The following TMEM182 variants were observed in gnomAD, a reference collection of about 807,000 sequenced individuals.
TMEM182 encodes the protein transmembrane protein 182.
A neutral mutation model predicts 26.8 loss-of-function variants in TMEM182; 20 were observed. The observed-to-expected ratio is 0.75, with a 90% CI of 0.53 to 1.09. TMEM182 has a LOEUF of 1.09. Among genes scored for constraint, TMEM182 ranks in the 50% least tolerant of loss-of-function variants. TMEM182 has a pLI of 0.00. For missense variants in TMEM182, 277 were observed against 275.5 expected, an observed-to-expected ratio of 1.01 and a Z score of -0.04; for synonymous variants, 109 against 102.2, an observed-to-expected ratio of 1.07 and a Z score of -0.40.
At chr2:102,775,415 A>C (rs1402466112) in intron 3 of TMEM182, 1 of 152,180 alleles carries the variant, frequency 6.6e-6, no homozygotes, top group Non-Finnish European at 1.5e-5. Flanking sequence ...ATCTATGACA[A>C]ACCCACAGCC....
At chr2:102,747,918 T>TA (rs1009946663) in intron 1 of TMEM182, among the ~76,000 whole-genome samples, 1 of 152,222 alleles carries the variant, frequency 6.6e-6, no homozygotes, top group African/African-American at 2.4e-5. Context: ...AATCAACCCT[T>TA]AAAACCTCAG....
At chr2:102,833,356 T>G (rs779036040) in intron 3 of TMEM182, among the ~76,000 whole-genome samples, 2 of 152,172 alleles carry the variant, frequency 1.3e-5, no homozygotes, top group Admixed American at 1.3e-4. Context: ...CCAGATCCAA[T>G]TGCAGTTCTA....
At chr2:102,838,555 G>A (rs774612376) in intron 3 of TMEM182, among the ~76,000 whole-genome samples, 33 of 152,110 alleles carry the variant, frequency 2.2e-4, no homozygotes, top group Non-Finnish European at 3.2e-4. Context: ...TTGGTAATTC[G>A]CAGTGTGCAT....
intron 3 of TMEM182, among the ~76,000 whole-genome samples, chr2:102,822,991 G>C (rs1682957645): frequency 6.6e-6 from 1 of 152,142 alleles, no homozygotes; most frequent in Admixed American, 6.5e-5. Context: ...AGGTGTTGGG[G>C]TCACCTTTTA....
downstream of TMEM182, among the ~76,000 whole-genome samples, chr2:102,821,660 G>T (rs1553445078): frequency 6.6e-6 from 1 of 152,116 alleles, no homozygotes; most frequent in Non-Finnish European, 1.5e-5. Flanking sequence ...TAATACAGTG[G>T]TCCCCACTCA....
intron 3 of TMEM182, among the ~76,000 whole-genome samples, chr2:102,839,569 C>T (rs1167702979): frequency 1.3e-5 from 2 of 151,572 alleles, no homozygotes; most frequent in African/African-American, 4.9e-5. Context: ...TAGATCCCAG[C>T]ACCTATCCTA....
At chr2:102,787,213 G>C (rs566712580) in intron 3 of TMEM182, among the ~76,000 whole-genome samples, 1 of 152,208 alleles carries the variant, frequency 6.6e-6, no homozygotes, top group Admixed American at 6.5e-5. Flanking sequence ...TTGGACTGCT[G>C]TAACAAAATA....
intron 1 of TMEM182, among the ~76,000 whole-genome samples, chr2:102,743,021 T>C (rs981739705): frequency 1.3e-5 from 2 of 152,200 alleles, no homozygotes; most frequent in African/African-American, 4.8e-5. Flanking sequence ...TAAGATCTTT[T>C]ATTTTTCTTA....
At chr2:102,764,556 G>A (rs1272383546) in intron 3 of TMEM182, 129 bp downstream of exon 3, 9 of 624,698 alleles carry the variant, frequency 1.4e-5, no homozygotes, top group East Asian at 3.1e-5. Flanking sequence ...TTTGATATCT[G>A]TTAGATTAAA....
rs1185022502 is a variant in TMEM182, at chr2:102,815,744, C to T, written c.*776C>T. On this transcript the variant is annotated 3_prime_UTR_variant, in exon 5 of 5. Transcript: ENST00000412401. ...AATATTGTTTAAAATATGTAAAAAC[C>T]AAGCATTTCCGCTTGGTCCATAATT... is the stretch of plus-strand genomic sequence containing the variant. 1 of 952,812 alleles carries T rather than the reference C, an allele frequency of 1.0e-6. No individual in the cohort carries two copies. The highest frequency in any genetic ancestry group is 6.2e-5 in the Admixed American group (1 of 16,182). The allele number at this position is 952,812 out of a possible 1,614,324, so 59.0% of individuals were successfully genotyped here.
intron 3 of TMEM182, among the ~76,000 whole-genome samples, chr2:102,832,237 T>C (rs567026689): frequency 7.9e-4 from 120 of 152,344 alleles, no homozygotes; most frequent in South Asian, 2.1e-3. Context: ...ATTTAAGTAG[T>C]TCTCCTCAAT....
chr2:102,764,560 G>C, intron 3 of TMEM182, 133 bp downstream of exon 3: 1 of 612,860 alleles, frequency 1.6e-6, no homozygotes, highest in South Asian at 3.6e-5. Flanking sequence ...ATATCTGTTA[G>C]ATTAAAAAAT....
chr2:102,756,822 CT>C lies in TMEM182; in HGVS notation c.-82-1558del, dbSNP rs111865205. Reference sequence around the variant, plus strand: ...TTAAGCACAATCCCATTCTTTTTTCCTTTTTTTTTGAGAGGGAGTCTCACTG... The same window carrying C: ...TTAAGCACAATCCCATTCTTTTTTCCTTTTTTTTGAGAGGGAGTCTCACTG... On this transcript the variant is annotated intron_variant, in intron 1 of 5. Transcript: ENST00000409173. Among the ~76,000 whole-genome samples, 90 of 150,750 alleles carry C rather than the reference CT, an allele frequency of 6.0e-4. 2 individuals carry two copies. In the South Asian group the frequency reaches 0.019, roughly 31 times the overall value.
intron 1 of TMEM182, among the ~76,000 whole-genome samples, chr2:102,737,586 T>G (rs932461586): frequency 6.6e-6 from 1 of 151,096 alleles, no homozygotes; most frequent in Non-Finnish European, 1.5e-5. Context: ...CTGAGAAGAG[T>G]GGAAAGAAGA....
intron 1 of TMEM182, among the ~76,000 whole-genome samples, chr2:102,750,046 T>TA (rs1235919246): frequency 6.6e-6 from 1 of 152,042 alleles, no homozygotes. Flanking sequence ...TGTTTTTTTT[T>TA]AAATGAAGCA....
intron 3 of TMEM182, among the ~76,000 whole-genome samples, chr2:102,839,500 T>A (rs1281867314): frequency 6.8e-6 from 1 of 147,580 alleles, no homozygotes; most frequent in Non-Finnish European, 1.5e-5. Flanking sequence ...AATTCCTGTC[T>A]ATATAGTGGA....
chr2:102,843,239 G>A (rs557480939), intron 3 of TMEM182, among the ~76,000 whole-genome samples: 1 of 152,268 alleles, frequency 6.6e-6, no homozygotes, highest in East Asian at 1.9e-4. Context: ...GTCACTTAGA[G>A]TCAGTCCCTC....
At chr2:102,777,224 A>C (rs1255737006) in intron 3 of TMEM182, among the ~76,000 whole-genome samples, 2 of 151,986 alleles carry the variant, frequency 1.3e-5, no homozygotes, top group East Asian at 3.9e-4. Flanking sequence ...TCATTACCCA[A>C]CCCAAGATTC....
In TMEM182 at chr2:102,808,470, A is replaced by T. The variant is rs555368714; in HGVS notation, c.470-6278A>T. ...GAGGAAGCTTCAGCAGGTGCACTTC[A>T]GGTGCCTGCCGTAGCATCGATAAGT... On this transcript the variant is annotated intron_variant, in intron 4 of 4. Transcript: ENST00000412401. Among the ~76,000 whole-genome samples the T allele has an allele frequency of 3.9e-5, 6 of 152,318 alleles. No homozygotes were observed. In the South Asian group the frequency reaches 1.2e-3, roughly 32 times the overall value.
Sources: allele counts gnomAD v4.1 joint callset (sites outside exome capture counted in the v4.1 genomes callset), GRCh38; gene constraint gnomAD v4.1.1; transcripts MANE v1.5; gene names NCBI Gene and HGNC (gene_info 2026-07-23, HGNC 2026-07-21).